Variants in CDH17 observed in about 807,000 individuals in gnomAD.
CDH17 encodes cadherin-17.
A neutral mutation model predicts 86.3 loss-of-function variants in CDH17; 67 were observed. The observed-to-expected ratio is 0.78, with a 90% CI of 0.64 to 0.95. CDH17 has a LOEUF of 0.95. Ranked by LOEUF, CDH17 falls within the 40% of genes least tolerant of loss-of-function variation. The pLI is 0.00. For missense variants in CDH17, 993 were observed against 1,017.6 expected, an observed-to-expected ratio of 0.98 and a Z score of 0.33; for synonymous variants, 367 against 366.4, an observed-to-expected ratio of 1.00 and a Z score of -0.02.
At chr8:94,204,590 A>T (rs1476337602) in intron 1 of CDH17, among the ~76,000 whole-genome samples, 1 of 152,216 alleles carries the variant, frequency 6.6e-6, no homozygotes, top group Non-Finnish European at 1.5e-5. Context: ...TATTGTAAAT[A>T]GTGCTGCAAT....
At chr8:94,146,537 A>G (rs7837503) in intron 14 of CDH17, among the ~76,000 whole-genome samples, 12,141 of 152,180 alleles carry the variant, frequency 0.08, 634 homozygotes, top group South Asian at 0.2. Context: ...TTCTAAGCTT[A>G]TTTTCTTCAG....
chr8:94,192,477 A>T (rs568330642), intron 2 of CDH17, among the ~76,000 whole-genome samples: 6 of 152,304 alleles, frequency 3.9e-5, no homozygotes, highest in African/African-American at 1.4e-4. Context: ...TGCTATGAAG[A>T]AAGTATCTCC....
At chr8:94,178,682 T>A (rs1813419713) in intron 3 of CDH17, among the ~76,000 whole-genome samples, 1 of 152,126 alleles carries the variant, frequency 6.6e-6, no homozygotes, top group Non-Finnish European at 1.5e-5. Context: ...TGATGTAAAG[T>A]AACAGAAGTA....
chr8:94,177,165 T>C (rs1176558101), intron 4 of CDH17, among the ~76,000 whole-genome samples: 2 of 152,180 alleles, frequency 1.3e-5, no homozygotes, highest in African/African-American at 4.8e-5. Flanking sequence ...AGCTCCTGGC[T>C]ACTGGTTCCC....
chr8:94,141,564 A>G (rs1020645688), intron 15 of CDH17, among the ~76,000 whole-genome samples: 3 of 152,182 alleles, frequency 2.0e-5, no homozygotes, highest in Non-Finnish European at 4.4e-5. Flanking sequence ...AAATAAGGTC[A>G]GCAAGCCTCT....
In CDH17 at chr8:94,128,349, A is replaced by T; in HGVS notation, c.2399-9T>A. 6.5e-7 allele frequency: 1 copy of T among 1,549,254 alleles called. No homozygotes were observed. Among genetic ancestry groups the T allele is most frequent in the Non-Finnish European group, 8.9e-7 (1 of 1,123,108 alleles). On this transcript the variant is annotated splice_polypyrimidine_tract_variant and intron_variant, in intron 17 of 17. Transcript: ENST00000027335. ...AACTGCTAAAATTATACCTAAAAGA[A>T]AAAACCCAGGGTCAAATAAATGGGA...
chr8:94,147,263 T>G (rs778200358), intron 14 of CDH17, among the ~76,000 whole-genome samples: 1 of 152,152 alleles, frequency 6.6e-6, no homozygotes, highest in Non-Finnish European at 1.5e-5. Context: ...AATGTGATAG[T>G]GGAATGTGCT....
At chr8:94,190,532 C>G (rs1236903273) in intron 2 of CDH17, among the ~76,000 whole-genome samples, 1 of 152,212 alleles carries the variant, frequency 6.6e-6, no homozygotes, top group Admixed American at 6.5e-5. Flanking sequence ...CGCTGGCCTT[C>G]TCTCCTTCCT....
intron 3 of CDH17, among the ~76,000 whole-genome samples, chr8:94,178,457 C>T (rs1404435186): frequency 2.0e-5 from 3 of 151,928 alleles, no homozygotes; most frequent in East Asian, 1.9e-4. Flanking sequence ...CCTTTGATAG[C>T]AAACATTACT....
chr8:94,159,882 C>T, intron 12 of CDH17, 89 bp downstream of exon 12: 1 of 944,980 alleles, frequency 1.1e-6, no homozygotes, highest in Non-Finnish European at 1.5e-6. Context: ...GCTGCTAATA[C>T]ATCACCTCTG....
At chr8:94,140,340 G>A (rs1366697415) in intron 15 of CDH17, among the ~76,000 whole-genome samples, 2 of 152,078 alleles carry the variant, frequency 1.3e-5, no homozygotes, top group African/African-American at 4.8e-5. Context: ...TGAAGCAGGA[G>A]GATCGTCTGA....
chr8:94,214,570 C>T (rs1814167741), intron 1 of CDH17, among the ~76,000 whole-genome samples: 1 of 152,044 alleles, frequency 6.6e-6, no homozygotes, highest in South Asian at 2.1e-4. Flanking sequence ...AGGGGTAAAT[C>T]TTTATGGCCT....
At chr8:94,151,717 G>C (rs925194961) in intron 13 of CDH17, 151 bp downstream of exon 13, 9 of 875,226 alleles carry the variant, frequency 1.0e-5, no homozygotes, top group African/African-American at 1.0e-4. Context: ...TGCCCCCAGG[G>C]TGTTGACAGC....
intron 12 of CDH17, among the ~76,000 whole-genome samples, chr8:94,159,131 T>G (rs1435980424): frequency 6.6e-6 from 1 of 152,038 alleles, no homozygotes. Context: ...GGTAAACCCA[T>G]GACATGCTCT....
chr8:94,176,891 G>A (rs1321407375), intron 4 of CDH17, among the ~76,000 whole-genome samples: 1 of 152,214 alleles, frequency 6.6e-6, no homozygotes, highest in South Asian at 2.1e-4. Context: ...TATCAGCAGG[G>A]TGTTCTGGAC....
chr8:94,170,920 T>C lies in CDH17; in HGVS notation c.849A>G (p.Pro283=). The C allele has an allele frequency of 1.2e-6, 2 of 1,613,938 alleles. No individual in the cohort carries two copies. The highest frequency in any genetic ancestry group is 8.5e-7 in the Non-Finnish European group (1 of 1,179,872). The stretch of plus-strand genomic sequence containing the variant: ...TATCTCCTTCCTGGTCAATTGAAAA[T>C]GGGAATCTTGGCAGCTTCTCTTTGT... ...LVDKEKLPRF[P]FSIDQEGDIY... Residue 283 remains proline, a synonymous_variant, in exon 8 of 18, where the codon CCA becomes CCG. Transcript: ENST00000027335.
At chr8:94,140,812 G>T in intron 15 of CDH17, among the ~76,000 whole-genome samples, 1 of 152,078 alleles carries the variant, frequency 6.6e-6, no homozygotes, top group East Asian at 1.9e-4. Flanking sequence ...AAAGGTACAA[G>T]CTCAACCAAA....
chr8:94,199,591 T>C (rs1277456216), intron 1 of CDH17, among the ~76,000 whole-genome samples: 3 of 152,184 alleles, frequency 2.0e-5, no homozygotes, highest in Non-Finnish European at 4.4e-5. Flanking sequence ...GATGTTTCAA[T>C]GGAACCTAGG....
intron 1 of CDH17, among the ~76,000 whole-genome samples, chr8:94,201,649 G>A (rs1813914608): frequency 6.6e-6 from 1 of 152,166 alleles, no homozygotes; most frequent in African/African-American, 2.4e-5. Flanking sequence ...TGCTGTTTAA[G>A]CCTCCCGTTC....
Sources: gnomAD v4.1 joint callset for allele counts (sites outside exome capture counted in the v4.1 genomes callset) on GRCh38, gnomAD v4.1.1 for gene constraint, MANE v1.5 for transcripts, NCBI Gene and HGNC (gene_info 2026-07-23, HGNC 2026-07-21) for gene names.